CTTNBP2: variants seen among roughly 807,000 people sequenced by gnomAD.
CTTNBP2 encodes the protein cortactin binding protein 2.
Under a neutral mutation model 156.9 loss-of-function variants are expected in CTTNBP2, and 108 were observed. That is an observed-to-expected ratio of 0.69 (90% CI 0.59 to 0.81). CTTNBP2 has a LOEUF of 0.81. Among genes scored for constraint, CTTNBP2 ranks in the 30% least tolerant of loss-of-function variants. The pLI is 0.00. For synonymous variants in CTTNBP2, 767 were observed against 751.8 expected (o/e 1.02, Z -0.33); for missense variants, 1,924 against 2,035.4 (o/e 0.95, Z 1.05).
At chr7:117,746,393 G>GTCCCTTCCAGAAATTCTGTAACT (rs1301548841) in intron 12 of CTTNBP2, among the ~76,000 whole-genome samples, 1 of 152,086 alleles carries the variant, frequency 6.6e-6, no homozygotes, top group Admixed American at 6.5e-5. Flanking sequence ...AGTTCATTTT[G>GTCCCTTCCAGAAATTCTGTAACT]TCCCTTCCAG....
At chr7:117,797,700 G>A (rs914207420) in intron 3 of CTTNBP2, among the ~76,000 whole-genome samples, 3 of 152,024 alleles carry the variant, frequency 2.0e-5, no homozygotes, top group African/African-American at 7.3e-5. Context: ...ATTTGAGAGA[G>A]CAGAAGAAAA....
chr7:117,787,563 A>T (rs1468071858), intron 4 of CTTNBP2, among the ~76,000 whole-genome samples: 1 of 152,244 alleles, frequency 6.6e-6, no homozygotes, highest in Non-Finnish European at 1.5e-5. Flanking sequence ...AAAAACAGAA[A>T]AAACAATTTC....
chr7:117,859,715 T>A (rs1427608606), intron 2 of CTTNBP2, among the ~76,000 whole-genome samples: 1 of 152,206 alleles, frequency 6.6e-6, no homozygotes, highest in Non-Finnish European at 1.5e-5. Context: ...CAATGTGGAA[T>A]AGGATGAATA....
chr7:117,719,608 A>G lies in CTTNBP2; in HGVS notation c.4540T>C (p.Leu1514=). Residue 1514 remains leucine (L), a synonymous_variant, in exon 21 of 23, where the codon TTG becomes CTG. Transcript: ENST00000160373. ...KSLENDLSLT[L]NLDQRLSLGS... is the part of the protein sequence containing the mutation. Reference sequence around the variant, plus strand: ...AGAGAGAGTCTCTGATCCAAATTCAACGTCAGTGATAGATCATTCTCTAAA... The same window carrying G: ...AGAGAGAGTCTCTGATCCAAATTCAGCGTCAGTGATAGATCATTCTCTAAA... 6.2e-7 allele frequency: 1 copy of G among 1,613,852 alleles called. No individual in the cohort carries two copies. Among genetic ancestry groups the G allele is most frequent in the Non-Finnish European group, 8.5e-7 (1 of 1,179,866 alleles).
chr7:117,791,660 C>A lies in CTTNBP2; in HGVS notation c.1536G>T (p.Val512=), dbSNP rs149153438. 9 of 1,614,046 alleles carry A rather than the reference C, an allele frequency of 5.6e-6. No individual in the cohort carries two copies. Among genetic ancestry groups the A allele is most frequent in the Admixed American group, 3.3e-5 (2 of 60,000 alleles). ...PQAGAPSRPG[V]PPTGDVGTHP... is the part of the protein sequence containing the mutation. ...GGGTGCCAACATCCCCTGTTGGGGG[C>A]ACTCCAGGCCTTGAGGGAGCACCTG... is the stretch of plus-strand genomic sequence containing the variant. The change falls in exon 4 of 23, where the codon GTG becomes GTT. Residue 512 remains valine, a synonymous_variant. Transcript: ENST00000160373.
chr7:117,769,174 G>A (rs73473692), intron 8 of CTTNBP2, among the ~76,000 whole-genome samples: 1,860 of 152,282 alleles, frequency 0.012, 35 homozygotes, highest in African/African-American at 0.042. Context: ...AGTTCCAGTT[G>A]CTTCATGTTG....
In CTTNBP2 at chr7:117,711,393, C is replaced by CA. The variant is rs200808668; in HGVS notation, c.*143dup. 1,767 of 840,148 alleles carry CA rather than the reference C, an allele frequency of 2.1e-3. 9 individuals carry two copies. Among genetic ancestry groups the CA allele is most frequent in the East Asian group, 0.021 (722 of 34,558 alleles). 52.0% of individuals were successfully genotyped at this position (840,148 alleles called of 1,614,324 possible). On this transcript the variant is annotated 3_prime_UTR_variant, in exon 23 of 23. Transcript: ENST00000160373. ...ATGTTGGTTATAAATACATTCTTTA[C>CA]AAAAAAAAATTGAATAGTGGTCCCG...
intron 2 of CTTNBP2, among the ~76,000 whole-genome samples, chr7:117,826,941 A>G (rs1277062913): frequency 6.6e-6 from 1 of 151,170 alleles, no homozygotes; most frequent in African/African-American, 2.4e-5. Context: ...AGCTCACTGC[A>G]ACCTCCATCT....
At chr7:117,812,873 C>T (rs1482268885) in intron 2 of CTTNBP2, among the ~76,000 whole-genome samples, 1 of 152,130 alleles carries the variant, frequency 6.6e-6, no homozygotes, top group Non-Finnish European at 1.5e-5. Flanking sequence ...CCAAAATAGC[C>T]TCTATTTGAT....
intron 2 of CTTNBP2, among the ~76,000 whole-genome samples, chr7:117,822,102 T>C (rs1393144644): frequency 6.6e-6 from 1 of 152,184 alleles, no homozygotes; most frequent in Non-Finnish European, 1.5e-5. Flanking sequence ...TTTGGATTTT[T>C]TATTCCTTCC....
intron 1 of CTTNBP2, among the ~76,000 whole-genome samples, chr7:117,870,757 C>T (rs1487191655): frequency 2.0e-5 from 3 of 152,182 alleles, no homozygotes; most frequent in African/African-American, 7.2e-5. Context: ...TCACATTTGG[C>T]TAAGGCACTG....
chr7:117,860,610 T>G (rs992336723), intron 2 of CTTNBP2, among the ~76,000 whole-genome samples: 1 of 152,176 alleles, frequency 6.6e-6, no homozygotes, highest in African/African-American at 2.4e-5. Context: ...CCCAAAGTGC[T>G]GGGATTCACC....
At chr7:117,855,284 T>C (rs1803221668) in intron 2 of CTTNBP2, among the ~76,000 whole-genome samples, 1 of 152,068 alleles carries the variant, frequency 6.6e-6, no homozygotes, top group African/African-American at 2.4e-5. Context: ...GGCTAATTTT[T>C]GTATTTTTAG....
At chr7:117,870,026 C>T (rs1444624291) in intron 1 of CTTNBP2, among the ~76,000 whole-genome samples, 1 of 152,198 alleles carries the variant, frequency 6.6e-6, no homozygotes, top group East Asian at 1.9e-4. Context: ...CTCCTTCAGT[C>T]TCAAGGACTA....
rs141053157 is a variant in CTTNBP2 at position 117,738,366 on chromosome 7, G to A, written c.3536-2945C>T. ...ATCAGTGGAAGTCTTTAAATAGGGGGATAAACAGGATTTGACTCCTGCTCT... is the reference window on the plus strand; with the variant it reads ...ATCAGTGGAAGTCTTTAAATAGGGGAATAAACAGGATTTGACTCCTGCTCT... On this transcript the variant is annotated intron_variant, in intron 14 of 22. Coordinates refer to ENST00000160373, the MANE Select transcript of CTTNBP2 (RefSeq NM_033427.3). Among the ~76,000 whole-genome samples the A allele has an allele frequency of 1.5e-3, 229 of 152,244 alleles. 1 individual carries two copies. The highest frequency in any genetic ancestry group is 5.2e-3 in the African/African-American group (217 of 41,558).
rs1413963226 is a variant in CTTNBP2 at position 117,736,473 on chromosome 7, G to A, written c.3536-1052C>T. Among the ~76,000 whole-genome samples, 3 of 152,170 alleles carry A rather than the reference G, an allele frequency of 2.0e-5. No individual in the cohort carries two copies. In the East Asian group the frequency reaches 5.8e-4, roughly 29 times the overall value. On this transcript the variant is annotated intron_variant, in intron 14 of 22. Coordinates refer to ENST00000160373, the MANE Select transcript of CTTNBP2 (RefSeq NM_033427.3). ...AAAAATGTAGACAGGACCTCAGAGA[G>A]ATAAGTAAATCGCTCTTTCCATTTT...
intron 2 of CTTNBP2, among the ~76,000 whole-genome samples, chr7:117,853,150 G>T (rs2117202505): frequency 6.6e-6 from 1 of 152,268 alleles, no homozygotes; most frequent in Non-Finnish European, 1.5e-5. Context: ...TTCCTGCAAA[G>T]CATGAGCCAA....
chr7:117,790,310 C>T (rs17140428), intron 4 of CTTNBP2, among the ~76,000 whole-genome samples: 6,944 of 152,312 alleles, frequency 0.046, 303 homozygotes, highest in African/African-American at 0.11. Context: ...TTTAGAGCCA[C>T]ATTTGCTTAG....
chr7:117,757,347 C>G (rs1396063705), intron 11 of CTTNBP2, among the ~76,000 whole-genome samples: 1 of 151,908 alleles, frequency 6.6e-6, no homozygotes, highest in African/African-American at 2.4e-5. Flanking sequence ...TCTCTCAGAG[C>G]CTCAATTTCC....
Sources: allele counts gnomAD v4.1 joint callset (sites outside exome capture counted in the v4.1 genomes callset), GRCh38; gene constraint gnomAD v4.1.1; transcripts MANE v1.5; gene names NCBI Gene and HGNC (gene_info 2026-07-23, HGNC 2026-07-21).